The following TAOK1 variants were observed in gnomAD, a reference collection of about 807,000 sequenced individuals.
The protein encoded by TAOK1 is TAO kinase 1.
In TAOK1, 21 loss-of-function variants were observed where a neutral mutation model predicts 138.3. That is an observed-to-expected ratio of 0.15 (90% confidence interval 0.11 to 0.22). The LOEUF (loss-of-function observed/expected upper bound fraction) is 0.22, where lower values mean the gene tolerates loss of function less well. TAOK1 is among the 10% of genes least tolerant of loss of function. The probability of loss-of-function intolerance (pLI) is 1.00; values close to 1 mark genes in which losing one functional copy is unlikely to be tolerated. For synonymous variants in TAOK1, 361 were observed against 398.4 expected (o/e 0.91, Z 1.12); for missense variants, 651 against 1,227.7 (o/e 0.53, Z 7.02).
intron 8 of TAOK1, among the ~76,000 whole-genome samples, chr17:29,483,646 C>T (rs987902477): frequency 1.3e-5 from 2 of 151,970 alleles, no homozygotes; most frequent in African/African-American, 4.8e-5. Context: ...TGTTGGAATT[C>T]CTCTGTTAAC....
intron 15 of TAOK1, chr17:29,511,862 A>G (rs2031727026): frequency 6.6e-6 from 1 of 151,998 alleles, no homozygotes; most frequent in African/African-American, 2.4e-5. Flanking sequence ...TATTACTTTA[A>G]AAGTAAACAA....
At chr17:29,536,991 C>T (rs1392132589) in intron 19 of TAOK1, among the ~76,000 whole-genome samples, 3 of 152,152 alleles carry the variant, frequency 2.0e-5, no homozygotes, top group East Asian at 1.9e-4. Context: ...TGAGCCACAG[C>T]GCCCGGCCAT....
chr17:29,396,446 CG>C (rs561951520), intron 1 of TAOK1, among the ~76,000 whole-genome samples: 269 of 152,174 alleles, frequency 1.8e-3, no homozygotes, highest in Middle Eastern at 6.8e-3. Flanking sequence ...TGCCAGTGAC[CG>C]TTATGCTGTA....
chr17:29,424,656 T>G, intron 1 of TAOK1: 1 of 152,168 alleles, frequency 6.6e-6, no homozygotes, highest in Non-Finnish European at 1.5e-5. Context: ...ATGTATTAGA[T>G]TACTTGTCAG....
chr17:29,546,716 A>G lies in TAOK1; in HGVS notation c.*3694A>G, dbSNP rs1159647430. On this transcript the variant is annotated 3_prime_UTR_variant, in exon 20 of 20. Coordinates refer to ENST00000261716, the MANE Select transcript of TAOK1 (RefSeq NM_020791.4). Reference sequence around the variant, plus strand: ...ATTTGTATGTATATATTGTATATACATATGAGTGTCTGTATGTGTGTATAG... The same window carrying G: ...ATTTGTATGTATATATTGTATATACGTATGAGTGTCTGTATGTGTGTATAG... 3 of 152,150 alleles carry G rather than the reference A, an allele frequency of 2.0e-5. No homozygotes were observed. Among genetic ancestry groups the G allele is most frequent in the Non-Finnish European group, 4.4e-5 (3 of 67,986 alleles). 9.4% of individuals were successfully genotyped at this position (152,150 alleles called of 1,614,324 possible). A position where few individuals can be genotyped will look rare whatever the true frequency, so the allele number is the denominator to read the frequency against.
intron 17 of TAOK1, among the ~76,000 whole-genome samples, chr17:29,526,469 G>A (rs1164624309): frequency 6.6e-6 from 1 of 152,040 alleles, no homozygotes; most frequent in Non-Finnish European, 1.5e-5. Context: ...AGGCTGGAGG[G>A]CAGTGGCGCA....
At chr17:29,400,504 G>A (rs1261792377) in intron 1 of TAOK1, among the ~76,000 whole-genome samples, 1 of 151,464 alleles carries the variant, frequency 6.6e-6, no homozygotes, top group Non-Finnish European at 1.5e-5. Context: ...TACCATCCCT[G>A]TCTTTGAAGG....
intron 15 of TAOK1, chr17:29,513,541 T>C (rs2031761006): frequency 6.6e-6 from 1 of 152,100 alleles, no homozygotes; most frequent in Non-Finnish European, 1.5e-5. Flanking sequence ...AGAAGCTAAG[T>C]TGTTGTGTAT....
chr17:29,417,015 T>G (rs1967556), intron 1 of TAOK1, among the ~76,000 whole-genome samples: 96,924 of 151,730 alleles, frequency 0.64, 32,289 homozygotes, highest in East Asian at 0.97. Flanking sequence ...GTTTTTTTTT[T>G]TTGTTGTTGT....
At chr17:29,479,002 A>G (rs1164676547) in intron 6 of TAOK1, among the ~76,000 whole-genome samples, 5 of 152,094 alleles carry the variant, frequency 3.3e-5, no homozygotes, top group Non-Finnish European at 7.4e-5. Context: ...GTAGGCATCT[A>G]TAATCCCAGC....
intron 1 of TAOK1, among the ~76,000 whole-genome samples, chr17:29,398,774 C>T (rs1420485209): frequency 6.6e-6 from 1 of 152,086 alleles, no homozygotes; most frequent in Admixed American, 6.6e-5. Flanking sequence ...TCAGGTGATC[C>T]ACCCACCTTG....
At chr17:29,540,350 T>G (rs1391496244) in intron 19 of TAOK1, among the ~76,000 whole-genome samples, 2 of 149,912 alleles carry the variant, frequency 1.3e-5, no homozygotes, top group African/African-American at 2.5e-5. Context: ...TTTTTTCTGT[T>G]TTTGTTTGTT....
chr17:29,422,400 G>A (rs1905480308), intron 1 of TAOK1, among the ~76,000 whole-genome samples: 1 of 148,138 alleles, frequency 6.8e-6, no homozygotes, highest in South Asian at 2.1e-4. Context: ...TTTTAGTAGA[G>A]ACTGCGTTTC....
At chr17:29,501,674 A>G (rs2586150) in intron 12 of TAOK1, among the ~76,000 whole-genome samples, 53,942 of 151,656 alleles carry the variant, frequency 0.36, 11,473 homozygotes, top group Non-Finnish European at 0.48. Flanking sequence ...TATTGGCTAC[A>G]TGTTTCATCA....
intron 14 of TAOK1, among the ~76,000 whole-genome samples, chr17:29,509,658 C>T (rs937134639): frequency 6.6e-6 from 1 of 151,840 alleles, no homozygotes; most frequent in African/African-American, 2.4e-5. Flanking sequence ...CTTTGGGAGG[C>T]CGAGGTGAGA....
intron 18 of TAOK1, among the ~76,000 whole-genome samples, chr17:29,531,234 T>C (rs1271513348): frequency 6.6e-6 from 1 of 151,708 alleles, no homozygotes; most frequent in Non-Finnish European, 1.5e-5. Flanking sequence ...CCCAAAGTGC[T>C]GGGATTACAG....
chr17:29,539,025 G>A (rs1199149420), intron 19 of TAOK1, among the ~76,000 whole-genome samples: 1 of 152,174 alleles, frequency 6.6e-6, no homozygotes, highest in Admixed American at 6.5e-5. Flanking sequence ...GGAAGGCCGA[G>A]TGGGGCGGAT....
chr17:29,496,329 G>A (rs967386031), intron 11 of TAOK1, among the ~76,000 whole-genome samples: 5 of 151,916 alleles, frequency 3.3e-5, no homozygotes, highest in African/African-American at 1.2e-4. Context: ...CATTGGCCAG[G>A]CTGGTCTTGA....
At chr17:29,399,172 A>G (rs576893711) in intron 1 of TAOK1, among the ~76,000 whole-genome samples, 55 of 151,492 alleles carry the variant, frequency 3.6e-4, no homozygotes, top group African/African-American at 1.2e-3. Context: ...TTTTGTGGAG[A>G]TGGGGTTTTG....
Sources: gnomAD v4.1 joint callset for allele counts (sites outside exome capture counted in the v4.1 genomes callset) on GRCh38, gnomAD v4.1.1 for gene constraint, MANE v1.5 for transcripts, NCBI Gene and HGNC (gene_info 2026-07-23, HGNC 2026-07-21) for gene names.